IGFBP7: variants seen among roughly 807,000 people sequenced by gnomAD.
The protein encoded by IGFBP7 is insulin-like growth factor-binding protein 7.
In IGFBP7, 31 loss-of-function variants were observed where a neutral mutation model predicts 29.4. The ratio of observed to expected loss-of-function variants is 1.05; its 90% CI spans 0.79 to 1.42. The LOEUF (loss-of-function observed/expected upper bound fraction) is 1.42, where lower values mean the gene tolerates loss of function less well. Ranked by LOEUF, IGFBP7 falls within the 40% of genes most tolerant of loss-of-function variation. The probability of loss-of-function intolerance (pLI) is 0.00; values close to 1 mark genes in which losing one functional copy is unlikely to be tolerated. For synonymous variants in IGFBP7, 172 were observed against 174.9 expected (o/e 0.98, Z 0.13); for missense variants, 393 against 395.5 (o/e 0.99, Z 0.05).
At position 57,031,341 on chromosome 4, in the gene IGFBP7, T is replaced by TA. The variant is rs1234830467; in HGVS notation, c.830-6_830-5insT. ...TTTATAGCTCGGCACCTTCACCTGT[T>TA]TAAAAAAAAAAAAAGATAAAAATTA... On this transcript the variant is annotated splice_region_variant and splice_polypyrimidine_tract_variant and intron_variant, in intron 4 of 4. Transcript: ENST00000295666. The TA allele has an allele frequency of 1.2e-6, 2 of 1,600,370 alleles. No individual in the cohort carries two copies. The highest frequency in any genetic ancestry group is 1.3e-5 in the African/African-American group (1 of 74,326).
intron 1 of IGFBP7, among the ~76,000 whole-genome samples, chr4:57,069,922 A>T (rs946063458): frequency 5.9e-5 from 9 of 152,168 alleles, no homozygotes; most frequent in Middle Eastern, 3.4e-3. Flanking sequence ...GTCTCTACTA[A>T]AAATATAAAA....
At chr4:57,084,946 A>G (rs1725462984) in intron 1 of IGFBP7, among the ~76,000 whole-genome samples, 1 of 151,622 alleles carries the variant, frequency 6.6e-6, no homozygotes, top group South Asian at 2.1e-4. Context: ...GTGTGACATC[A>G]TGCCTGGATA....
chr4:57,031,107 T>C lies in IGFBP7; in HGVS notation c.*210A>G. Reference sequence around the variant, plus strand: ...GATAAAAAGTATTTTATTTGTTTAATGATATGCATGCTTTTCTTCTGTAAA... The same window carrying C: ...GATAAAAAGTATTTTATTTGTTTAACGATATGCATGCTTTTCTTCTGTAAA... On this transcript the variant is annotated 3_prime_UTR_variant, in exon 5 of 5. Coordinates refer to ENST00000295666, the MANE Select transcript of IGFBP7 (RefSeq NM_001553.3). 1.4e-6 allele frequency: 1 copy of C among 737,112 alleles called. No homozygotes were observed. The highest frequency in any genetic ancestry group is 1.7e-5 in the South Asian group (1 of 60,282). 45.7% of individuals were successfully genotyped at this position (737,112 alleles called of 1,614,324 possible).
At chr4:57,109,023 T>C (rs1048164725) in intron 1 of IGFBP7, among the ~76,000 whole-genome samples, 3 of 152,140 alleles carry the variant, frequency 2.0e-5, no homozygotes, top group African/African-American at 7.2e-5. Flanking sequence ...GACAACAAAG[T>C]GCATCACAAA....
chr4:57,110,223 C>T lies in IGFBP7; in HGVS notation c.129G>A (p.Leu43=), dbSNP rs976250273. The change falls in exon 1 of 5, where the codon CTG becomes CTA. Residue 43 remains leucine (L), a synonymous_variant. Coordinates refer to ENST00000295666, the MANE Select transcript of IGFBP7 (RefSeq NM_001553.3). Reference sequence around the variant, plus strand: ...CGCCCAGCAGGCAGCCCAGCGGGGGCAGGGGCGGGCAGGAGGCCGGCTCGC... The same window carrying T: ...CGCCCAGCAGGCAGCCCAGCGGGGGTAGGGGCGGGCAGGAGGCCGGCTCGC... ...GPCEPASCPP[L]PPLGCLLGET... The T allele has an allele frequency of 2.9e-6, 4 of 1,376,662 alleles. No individual in the cohort carries two copies. The Admixed American group carries it at 9.5e-5, about 33-fold the overall frequency. 85.3% of individuals were successfully genotyped at this position (1,376,662 alleles called of 1,614,324 possible).
intron 1 of IGFBP7, among the ~76,000 whole-genome samples, chr4:57,097,783 G>C (rs904530077): frequency 6.6e-6 from 1 of 152,152 alleles, no homozygotes; most frequent in African/African-American, 2.4e-5. Context: ...TTTGACCCAG[G>C]TGGTCTGACT....
At chr4:57,082,748 T>C (rs1725401569) in intron 1 of IGFBP7, among the ~76,000 whole-genome samples, 1 of 152,180 alleles carries the variant, frequency 6.6e-6, no homozygotes, top group South Asian at 2.1e-4. Flanking sequence ...TGTTTATACA[T>C]ATAGTTTTTA....
chr4:57,061,969 C>A (rs910560624), intron 1 of IGFBP7, among the ~76,000 whole-genome samples: 9 of 152,112 alleles, frequency 5.9e-5, no homozygotes, highest in Non-Finnish European at 8.8e-5. Flanking sequence ...AGCCTCACAG[C>A]AAGTTTTTAT....
In IGFBP7 at chr4:57,054,639, C is replaced by CAAAA. The variant is rs75161514; in HGVS notation, c.476-13710_476-13707dup. ...GGCGACAGAGCGAGGCTCTCTCTCA[C>CAAAA]AAAAAAAAAAAAAAAAAAAAAAAAA... is the stretch of plus-strand genomic sequence containing the variant. On this transcript the variant is annotated intron_variant, in intron 1 of 4. Coordinates refer to ENST00000295666, the MANE Select transcript of IGFBP7 (RefSeq NM_001553.3). Among the ~76,000 whole-genome samples, 10 of 27,866 alleles carry CAAAA rather than the reference C, an allele frequency of 3.6e-4. 1 individual carries two copies. Among genetic ancestry groups the CAAAA allele is most frequent in the Admixed American group, 6.0e-4 (1 of 1,674 alleles). The allele number at this position is 27,866 out of a possible 152,430, so 18.3% of individuals were successfully genotyped here.
chr4:57,043,963 A>T (rs1349406696), intron 1 of IGFBP7, among the ~76,000 whole-genome samples: 1 of 152,174 alleles, frequency 6.6e-6, no homozygotes. Context: ...GATGGCCCTC[A>T]TGCTGCTCTG....
intron 1 of IGFBP7, among the ~76,000 whole-genome samples, chr4:57,105,982 C>T (rs1292747560): frequency 6.7e-6 from 1 of 148,788 alleles, no homozygotes; most frequent in African/African-American, 2.5e-5. Context: ...TCTTGGATCA[C>T]TGCAAGCTCT....
intron 1 of IGFBP7, among the ~76,000 whole-genome samples, chr4:57,057,846 C>T (rs921711118): frequency 6.6e-6 from 1 of 152,218 alleles, no homozygotes; most frequent in Admixed American, 6.5e-5. Context: ...TCCAGGTTTA[C>T]CTAGTCCTTG....
Position 57,076,807 on chromosome 4 carries a change from C to T in IGFBP7, c.475+33070G>A, listed in dbSNP as rs115655618. Among the ~76,000 whole-genome samples, 949 of 152,254 alleles carry T rather than the reference C, an allele frequency of 6.2e-3. 12 individuals are homozygous for T. Among genetic ancestry groups the T allele is most frequent in the African/African-American group, 0.022 (919 of 41,542 alleles). On this transcript the variant is annotated intron_variant, in intron 1 of 4. Transcript: ENST00000295666. ...AAGCACTAAGATCAAAGAATCATTA[C>T]CTATTTAAGGTCAAGGTAACGAAGG...
chr4:57,033,548 G>A (rs1011217657), intron 2 of IGFBP7, among the ~76,000 whole-genome samples: 3 of 152,052 alleles, frequency 2.0e-5, no homozygotes, highest in African/African-American at 7.3e-5. Flanking sequence ...TTTTCTGCAT[G>A]CCTGGGGAAT....
intron 1 of IGFBP7, among the ~76,000 whole-genome samples, chr4:57,049,160 A>T (rs1278918137): frequency 6.6e-6 from 1 of 152,010 alleles, no homozygotes; most frequent in South Asian, 2.1e-4. Flanking sequence ...AGAGCTTATA[A>T]AGGTATCACC....
chr4:57,109,770 G>T, intron 1 of IGFBP7, 107 bp downstream of exon 1: 1 of 1,314,284 alleles, frequency 7.6e-7, no homozygotes. Context: ...GCCCGCGGGG[G>T]AATCGCAGTG....
chr4:57,033,103 T>G (rs1450992641), intron 3 of IGFBP7, 92 bp downstream of exon 3: 2 of 874,832 alleles, frequency 2.3e-6, no homozygotes, highest in Non-Finnish European at 2.0e-6. Flanking sequence ...CAAGCACCTT[T>G]AGGCTGGCGG....
At chr4:57,055,882 G>A (rs1459393280) in intron 1 of IGFBP7, among the ~76,000 whole-genome samples, 2 of 152,090 alleles carry the variant, frequency 1.3e-5, no homozygotes, top group African/African-American at 4.8e-5. Context: ...AAGCGGGCAA[G>A]GAGGAGGTTG....
At chr4:57,086,152 G>C (rs891206297) in intron 1 of IGFBP7, among the ~76,000 whole-genome samples, 3 of 152,224 alleles carry the variant, frequency 2.0e-5, no homozygotes, top group Non-Finnish European at 4.4e-5. Context: ...TCAGGCAAGA[G>C]AGCATGCAGA....
Sources: gnomAD v4.1 joint callset for allele counts (sites outside exome capture counted in the v4.1 genomes callset) on GRCh38, gnomAD v4.1.1 for gene constraint, MANE v1.5 for transcripts, NCBI Gene and HGNC (gene_info 2026-07-23, HGNC 2026-07-21) for gene names.